The following MAPK8IP3 variants were observed in gnomAD, a reference collection of about 807,000 sequenced individuals.
MAPK8IP3 encodes mitogen-activated protein kinase 8 interacting protein 3.
MAPK8IP3 carries 49 observed loss-of-function variants against 157.8 expected under a neutral mutation model. That is an observed-to-expected ratio of 0.31 (90% CI 0.25 to 0.39). The LOEUF is 0.39. Ranked by LOEUF, MAPK8IP3 falls within the 10% of genes least tolerant of loss-of-function variation. The pLI is 1.00. For missense variants in MAPK8IP3, 1,478 were observed against 1,889.4 expected (o/e 0.78, Z 4.04); for synonymous variants, 897 against 777.7 (o/e 1.15, Z -2.55).
At chr16:1,765,313 A>G (rs1596799258) in intron 20 of MAPK8IP3, 135 bp downstream of exon 20, 1 of 1,110,794 alleles carries the variant, frequency 9.0e-7, no homozygotes, top group Non-Finnish European at 1.2e-6. Context: ...GGACGGTGGG[A>G]GGGGCAGCAC....
chr16:1,729,784 A>C (rs1325708139), intron 4 of MAPK8IP3, among the ~76,000 whole-genome samples: 2 of 152,072 alleles, frequency 1.3e-5, no homozygotes. Flanking sequence ...GGCGACGGAC[A>C]TGTGTCGAGC....
In MAPK8IP3 at chr16:1,762,701, A is replaced by G. The variant is rs751673086; in HGVS notation, c.1697A>G (p.Gln566Arg). Residue 566 changes from glutamine (Q) to arginine (R), a missense_variant, in exon 15 of 32, where the codon CAG becomes CGG. Coordinates refer to ENST00000610761, the MANE Select transcript of MAPK8IP3 (RefSeq NM_001318852.2). ...GCGTCCCGAGAGCACCCATCCGTCC[A>G]GGAGAAGAAGAAGTCGACCATCTGG... ...IRASREHPSV[Q>R]EKKKSTIWQF... 1.1e-5 allele frequency: 17 copies of G among 1,570,028 alleles called. No homozygotes were observed. The highest frequency in any genetic ancestry group is 1.8e-5 in the Admixed American group (1 of 55,590).
intron 4 of MAPK8IP3, among the ~76,000 whole-genome samples, chr16:1,740,139 T>G (rs536999680): frequency 1.3e-4 from 17 of 133,200 alleles, no homozygotes; most frequent in African/African-American, 4.5e-4. Context: ...TGACTGTCCG[T>G]GTGAGCTTCC....
intron 4 of MAPK8IP3, among the ~76,000 whole-genome samples, chr16:1,738,016 G>A (rs192959623): frequency 2.7e-4 from 22 of 80,578 alleles, no homozygotes; most frequent in African/African-American, 9.1e-4. Flanking sequence ...CTGTGTGACC[G>A]TCCGTGTGAG....
intron 1 of MAPK8IP3, chr16:1,713,872 T>TA (rs2037958455): frequency 6.6e-6 from 1 of 152,098 alleles, no homozygotes; most frequent in Non-Finnish European, 1.5e-5. Context: ...AGTTTTGAAA[T>TA]ACGTATAAAC....
chr16:1,738,571 CGT>C (rs1373804595), intron 4 of MAPK8IP3, among the ~76,000 whole-genome samples: 3 of 123,532 alleles, frequency 2.4e-5, no homozygotes, highest in East Asian at 2.6e-4. Context: ...TGTGAGCATC[CGT>C]GTGAGTGTGA....
At chr16:1,744,077 C>A in intron 5 of MAPK8IP3, 1 of 988,076 alleles carries the variant, frequency 1.0e-6, no homozygotes, top group Non-Finnish European at 1.2e-6. Context: ...GTTCTCACAG[C>A]CAGCCGGTGA....
rs1293329453 is a variant in MAPK8IP3 at position 1,706,334 on chromosome 16, G to A, written c.-6G>A. On this transcript the variant is annotated 5_prime_UTR_variant, in exon 1 of 32. Coordinates refer to ENST00000610761, the MANE Select transcript of MAPK8IP3 (RefSeq NM_001318852.2). This position sits in a 1 kb window ranked among gnomAD's most constrained non-coding sequence, Gnocchi z 5.1. ...GCGAGCCGCGCTGGCGGCGGCGGTG[G>A]CCGCGATGATGGAGATCCAGATGGA... 2 of 1,553,100 alleles carry A rather than the reference G, an allele frequency of 1.3e-6. No individual in the cohort carries two copies. Among genetic ancestry groups the A allele is most frequent in the Admixed American group, 1.9e-5 (1 of 53,074 alleles).
chr16:1,761,117 C>A, intron 12 of MAPK8IP3, 107 bp from the exon 13 acceptor site: 2 of 872,394 alleles, frequency 2.3e-6, no homozygotes, highest in Non-Finnish European at 3.9e-6. Context: ...GAGCCCCCAG[C>A]CCTGCACAGA....
chr16:1,727,030 G>C (rs2038925374), intron 2 of MAPK8IP3, among the ~76,000 whole-genome samples: 1 of 151,862 alleles, frequency 6.6e-6, no homozygotes, highest in African/African-American at 2.4e-5. Flanking sequence ...TGCGGCATCT[G>C]TGTGAGTCAT....
chr16:1,766,570 A>G lies in MAPK8IP3; in HGVS notation c.2861A>G (p.Glu954Gly). Residue 954 changes from glutamate to glycine, a missense_variant, in exon 23 of 32, where the codon GAG (glutamate) becomes GGG (glycine). By Grantham distance (98) the Glu-to-Gly change is moderately conservative. This residue lies in a region of MAPK8IP3 where 669 missense variants were observed against 759.8 expected (regional missense o/e 0.88). Coordinates refer to ENST00000610761, the MANE Select transcript of MAPK8IP3 (RefSeq NM_001318852.2). The stretch of plus-strand genomic sequence containing the variant: ...CCTGACAGCAGCAGCACACGGCCAG[A>G]GCCAGAGCCCAGCGGGGACCCCACG... ...PEPDSSSTRP[E>G]PEPSGDPTGA... 1 of 1,612,114 alleles carries G rather than the reference A, an allele frequency of 6.2e-7. No individual in the cohort carries two copies. The highest frequency in any genetic ancestry group is 8.5e-7 in the Non-Finnish European group (1 of 1,179,638).
chr16:1,710,871 G>A lies in MAPK8IP3; in HGVS notation c.318+4214G>A, dbSNP rs2037724169. On this transcript the variant is annotated intron_variant, in intron 1 of 31. Coordinates refer to ENST00000610761, the MANE Select transcript of MAPK8IP3 (RefSeq NM_001318852.2). The surrounding 1 kb of genome is among the most constrained non-coding windows in gnomAD (Gnocchi z 4.1). ...CTCTGAAAGCTGGCCTGGTGTAGCT[G>A]TACCACTCACCAGGAGTACAGCAGT... 2.0e-5 allele frequency among the ~76,000 whole-genome samples: 3 copies of A among 152,214 alleles called. No individual in the cohort carries two copies. The highest frequency in any genetic ancestry group is 1.3e-4 in the Admixed American group (2 of 15,286).
At chr16:1,729,890 C>G (rs1055630527) in intron 4 of MAPK8IP3, among the ~76,000 whole-genome samples, 1 of 152,002 alleles carries the variant, frequency 6.6e-6, no homozygotes, top group African/African-American at 2.4e-5. Flanking sequence ...TCTGTGTTTG[C>G]AAATGTATCT....
chr16:1,730,463 G>A (rs1216962647), intron 4 of MAPK8IP3, among the ~76,000 whole-genome samples: 1 of 151,892 alleles, frequency 6.6e-6, no homozygotes, highest in African/African-American at 2.4e-5. Flanking sequence ...AATTAAGCCG[G>A]GCTCAGTGGC....
rs2142246640 is a variant in MAPK8IP3, at chr16:1,706,224, G to A, written c.-116G>A. ...TCGGCAGCGGCGGCGGCGGAGCCCT[G>A]AGGCGACAGCAGCTGCGGGAGGCGA... On this transcript the variant is annotated 5_prime_UTR_variant, in exon 1 of 32. Coordinates refer to ENST00000610761, the MANE Select transcript of MAPK8IP3 (RefSeq NM_001318852.2). This position sits in a 1 kb window ranked among gnomAD's most constrained non-coding sequence, Gnocchi z 5.1. 1 of 945,762 alleles carries A rather than the reference G, an allele frequency of 1.1e-6. No homozygotes were observed. The highest frequency in any genetic ancestry group is 3.4e-5 in the East Asian group (1 of 29,676). 58.6% of individuals were successfully genotyped at this position (945,762 alleles called of 1,614,324 possible).
chr16:1,753,071 C>T (rs2041384828), intron 8 of MAPK8IP3, among the ~76,000 whole-genome samples: 1 of 152,190 alleles, frequency 6.6e-6, no homozygotes, highest in Non-Finnish European at 1.5e-5. Flanking sequence ...AACACGTCAG[C>T]TTTGCACGTG....
At chr16:1,728,637 C>T (rs2039068922) in intron 2 of MAPK8IP3, among the ~76,000 whole-genome samples, 1 of 148,422 alleles carries the variant, frequency 6.7e-6, no homozygotes, top group Non-Finnish European at 1.5e-5. Context: ...ACAGCAGCCC[C>T]CCAGACGGCC....
chr16:1,762,166 C>G (rs2041991006), intron 13 of MAPK8IP3, among the ~76,000 whole-genome samples, 185 bp from the exon 14 acceptor site: 1 of 152,240 alleles, frequency 6.6e-6, no homozygotes, highest in Non-Finnish European at 1.5e-5. Context: ...GCACCCAAGT[C>G]CTGGTGCATG....
At position 1,768,368 on chromosome 16, in the gene MAPK8IP3, C is replaced by T. The variant is rs375772245; in HGVS notation, c.3732C>T (p.Val1244=). 2.5e-6 allele frequency: 4 copies of T among 1,600,962 alleles called. No homozygotes were observed. Among genetic ancestry groups the T allele is most frequent in the South Asian group, 2.2e-5 (2 of 91,016 alleles). Residue 1244 remains valine, a synonymous_variant, in exon 30 of 32, where the codon GTC becomes GTT. Coordinates refer to ENST00000610761, the MANE Select transcript of MAPK8IP3 (RefSeq NM_001318852.2). ...ACCGCGATGCCGTGAAGTTCTTTGT[C>T]TCGGTGCCAGGTGAGGCTGGGCCCC... ...HGHRDAVKFF[V]SVPGNVLATL...
Sources: gnomAD v4.1 joint callset for allele counts (sites outside exome capture counted in the v4.1 genomes callset) on GRCh38, gnomAD v4.1.1 for gene constraint, gnomAD v4.1.1 regional missense constraint, Gnocchi (gnomAD v3.1) non-coding constraint, MANE v1.5 for transcripts, NCBI Gene and HGNC (gene_info 2026-07-23, HGNC 2026-07-21) for gene names.